The following HMGB1 variants were observed in gnomAD, a reference collection of about 807,000 sequenced individuals.
The protein encoded by HMGB1 is high mobility group box 1.
For synonymous variants in HMGB1, 81 were observed against 84.0 expected (o/e 0.96, Z 0.19); for missense variants, 79 against 253.5 (o/e 0.31, Z 4.67).
intron 1 of HMGB1, among the ~76,000 whole-genome samples, chr13:30,524,205 G>A (rs531429590): frequency 1.3e-4 from 20 of 152,068 alleles, no homozygotes; most frequent in African/African-American, 4.6e-4. Context: ...GGGAGCAAGG[G>A]GAGGGAGAGC....
At chr13:30,483,315 C>G (rs1399403594) in intron 1 of HMGB1, among the ~76,000 whole-genome samples, 1 of 151,870 alleles carries the variant, frequency 6.6e-6, no homozygotes, top group East Asian at 1.9e-4. Flanking sequence ...TCCTCTCACT[C>G]AGTTGCCCGG....
At chr13:30,588,980 T>C (rs967775533) in intron 1 of HMGB1, among the ~76,000 whole-genome samples, 21 of 151,964 alleles carry the variant, frequency 1.4e-4, no homozygotes, top group African/African-American at 5.1e-4. Context: ...TGGCCTCTAA[T>C]TGTAAAGCTG....
intron 1 of HMGB1, chr13:30,554,203 GA>G (rs2137516467): frequency 7.0e-7 from 1 of 1,437,464 alleles, no homozygotes; most frequent in East Asian, 2.3e-5. Flanking sequence ...TGCATTATAC[GA>G]CCTGGCCAGA....
intron 1 of HMGB1, among the ~76,000 whole-genome samples, chr13:30,549,778 A>G (rs1337501885): frequency 6.7e-6 from 1 of 149,942 alleles, no homozygotes; most frequent in Admixed American, 6.7e-5. Context: ...ATGCAGTGGC[A>G]TGATCTCGAC....
At chr13:30,484,105 G>A (rs184733516) in intron 1 of HMGB1, among the ~76,000 whole-genome samples, 60 of 152,266 alleles carry the variant, frequency 3.9e-4, no homozygotes, top group Middle Eastern at 3.4e-3. Context: ...TCAGCTCTGA[G>A]AAGCTGCCCC....
intron 1 of HMGB1, among the ~76,000 whole-genome samples, chr13:30,509,245 T>TC (rs1398077540): frequency 2.1e-4 from 32 of 150,446 alleles, no homozygotes; most frequent in Non-Finnish European, 1.5e-5. Context: ...GCACCAATAT[T>TC]CTTTTTTTTT....
chr13:30,617,520 C>T (rs1231087800), exon 1 of HMGB1: 1 of 152,260 alleles, frequency 6.6e-6, no homozygotes, highest in African/African-American at 2.4e-5. Context: ...ACCAGCGGCT[C>T]CCGACCACGC....
intron 1 of HMGB1, among the ~76,000 whole-genome samples, chr13:30,591,456 A>C (rs551616914): frequency 6.6e-6 from 1 of 152,218 alleles, no homozygotes; most frequent in East Asian, 1.9e-4. Flanking sequence ...GTGCTAAGGA[A>C]TTTTAAGCAC....
rs1348477996 is a variant in HMGB1 at position 30,524,348 on chromosome 13, AAAAAAAAAAG to A, written c.-14-60664_-14-60655del. Among the ~76,000 whole-genome samples, 91 of 58,808 alleles carry A rather than the reference AAAAAAAAAAG, an allele frequency of 1.5e-3. No homozygotes were observed. In the South Asian group the frequency reaches 0.029, roughly 19 times the overall value. The allele number at this position is 58,808 out of a possible 152,430, so 38.6% of individuals were successfully genotyped here. On this transcript the variant is annotated intron_variant, in intron 1 of 4. Coordinates refer to the HMGB1 transcript ENST00000405805. Reference sequence around the variant, plus strand: ...AGCTTAAAGTATATTAAAAAAAAAAAAAAAAAAAAGAAAAAAAAGAAGAACTGCCTGAGAC... The same window carrying A: ...AGCTTAAAGTATATTAAAAAAAAAAAAAAAAAAAGAAGAACTGCCTGAGAC...
chr13:30,519,026 A>C (rs1888165251), intron 1 of HMGB1, among the ~76,000 whole-genome samples: 1 of 152,020 alleles, frequency 6.6e-6, no homozygotes, highest in Non-Finnish European at 1.5e-5. Flanking sequence ...GCCCAGCCCA[A>C]ATAAACATTC....
At chr13:30,468,702 T>C (rs751511787), upstream of HMGB1, among the ~76,000 whole-genome samples, 2 of 152,236 alleles carry the variant, frequency 1.3e-5, no homozygotes, top group Non-Finnish European at 2.9e-5. Flanking sequence ...TCATTTCTTA[T>C]ATTTGATTTT....
intron 1 of HMGB1, among the ~76,000 whole-genome samples, chr13:30,529,033 A>C (rs1253892023): frequency 8.9e-6 from 1 of 112,656 alleles, no homozygotes; most frequent in African/African-American, 3.2e-5. Context: ...CGTCTCAAAA[A>C]AAAAAAAAAA....
chr13:30,482,886 C>T (rs574948927), intron 1 of HMGB1, among the ~76,000 whole-genome samples: 55 of 151,836 alleles, frequency 3.6e-4, no homozygotes, highest in African/African-American at 1.2e-3. Context: ...CTCCCGGGCT[C>T]AAGCCATCCT....
chr13:30,545,368 T>TTATTATTATTAATATATTAATAATATTAA (rs1869100448), intron 1 of HMGB1, among the ~76,000 whole-genome samples: 2 of 150,512 alleles, frequency 1.3e-5, no homozygotes, highest in African/African-American at 4.9e-5. Context: ...TAACTGAATA[T>TTATTATTATTAATATATTAATAATATTAA]TATTATTATT....
intron 1 of HMGB1, among the ~76,000 whole-genome samples, chr13:30,504,575 C>T (rs1401710815): frequency 1.3e-5 from 2 of 152,120 alleles, no homozygotes; most frequent in Admixed American, 1.3e-4. Context: ...GTATGACAAC[C>T]AGCAACTCCC....
chr13:30,530,165 ATTTCT>A, intron 1 of HMGB1, among the ~76,000 whole-genome samples: 1 of 152,214 alleles, frequency 6.6e-6, no homozygotes, highest in South Asian at 2.1e-4. Context: ...ATTTTCTAAA[ATTTCT>A]AAAACACCTG....
intron 1 of HMGB1, among the ~76,000 whole-genome samples, chr13:30,502,569 C>T (rs1314757000): frequency 6.6e-6 from 1 of 152,136 alleles, no homozygotes; most frequent in Non-Finnish European, 1.5e-5. Context: ...ACTTGCGTAA[C>T]ATGTACAGTC....
Position 30,456,980 on chromosome 13 carries a change from T to A in HMGB1, c.*4377A>T, listed in dbSNP as rs1886018153. ...ATGATGAAAAATATTATGGATCATATACAAGTGAGATCGAAAAAAGAAAAA... is the reference window on the plus strand; with the variant it reads ...ATGATGAAAAATATTATGGATCATAAACAAGTGAGATCGAAAAAAGAAAAA... On this transcript the variant is annotated 3_prime_UTR_variant, in exon 5 of 5. Coordinates refer to ENST00000341423, the MANE Select transcript of HMGB1 (RefSeq NM_002128.7). 1 of 152,254 alleles carries A rather than the reference T, an allele frequency of 6.6e-6. No homozygotes were observed. The highest frequency in any genetic ancestry group is 6.5e-5 in the Admixed American group (1 of 15,286). The allele number at this position is 152,254 out of a possible 1,614,324, so 9.4% of individuals were successfully genotyped here.
At position 30,496,043 on chromosome 13, in the gene HMGB1, T is replaced by G. The variant is rs139658950; in HGVS notation, c.-14-32349A>C. On this transcript the variant is annotated intron_variant, in intron 1 of 4. Transcript: ENST00000405805. The stretch of plus-strand genomic sequence containing the variant: ...TTTACTACTATAACTCAGCCTAATA[T>G]GCCTTTAACTTTTTTAGTTTTAATG... Among the ~76,000 whole-genome samples, 1,093 of 152,332 alleles carry G rather than the reference T, an allele frequency of 7.2e-3. 6 individuals carry two copies. Among genetic ancestry groups the G allele is most frequent in the Middle Eastern group, 0.034 (10 of 294 alleles).
Sources: gnomAD v4.1 joint callset for allele counts (sites outside exome capture counted in the v4.1 genomes callset) on GRCh38, gnomAD v4.1.1 for gene constraint, MANE v1.5 for transcripts, NCBI Gene and HGNC (gene_info 2026-07-23, HGNC 2026-07-21) for gene names.